RIMS2: variants seen among roughly 807,000 people sequenced by gnomAD.
RIMS2 encodes the protein regulating synaptic membrane exocytosis 2.
Under a neutral mutation model 174.4 loss-of-function variants are expected in RIMS2, and 59 were observed. That is an observed-to-expected ratio of 0.34 (90% CI 0.27 to 0.42). The LOEUF (loss-of-function observed/expected upper bound fraction) is 0.42. Ranked by LOEUF, RIMS2 falls within the 10% of genes least tolerant of loss-of-function variation. The pLI is 1.00. For missense variants in RIMS2, 1,620 were observed against 1,666.3 expected (o/e 0.97, Z 0.48); for synonymous variants, 606 against 572.5 (o/e 1.06, Z -0.84).
At chr8:104,251,923 T>G, downstream of RIMS2, 1 of 713,734 alleles carries the variant, frequency 1.4e-6, no homozygotes, top group Non-Finnish European at 2.4e-6. Context: ...ATGTTGTGTC[T>G]TCTGAGCCTG....
intron 19 of RIMS2, among the ~76,000 whole-genome samples, chr8:104,058,074 G>T (rs1294365969): frequency 6.6e-6 from 1 of 150,428 alleles, no homozygotes; most frequent in Non-Finnish European, 1.5e-5. Flanking sequence ...AGTCCTTTGG[G>T]TATATACCCA....
intron 1 of RIMS2, among the ~76,000 whole-genome samples, chr8:103,677,830 C>T (rs2096834406): frequency 6.6e-6 from 1 of 152,152 alleles, no homozygotes; most frequent in Non-Finnish European, 1.5e-5. Context: ...AAAGAAGTGA[C>T]ATACAAAAAT....
chr8:103,947,637 G>A (rs2084134540), intron 14 of RIMS2, among the ~76,000 whole-genome samples: 1 of 152,172 alleles, frequency 6.6e-6, no homozygotes. Flanking sequence ...CGTGAATAGG[G>A]TACTTATCAT....
At chr8:104,171,592 T>C (rs1487227177) in intron 19 of RIMS2, among the ~76,000 whole-genome samples, 1 of 152,122 alleles carries the variant, frequency 6.6e-6, no homozygotes, top group Non-Finnish European at 1.5e-5. Flanking sequence ...ATTTCTGTTA[T>C]CTCTTTGAGT....
At chr8:104,224,694 A>G (rs2099174573) in intron 19 of RIMS2, among the ~76,000 whole-genome samples, 2 of 152,192 alleles carry the variant, frequency 1.3e-5, no homozygotes, top group Admixed American at 1.3e-4. Context: ...AAAATCAATG[A>G]CCTCTTATTA....
intron 14 of RIMS2, among the ~76,000 whole-genome samples, chr8:103,949,407 G>C (rs926047281): frequency 1.3e-5 from 2 of 152,042 alleles, no homozygotes; most frequent in African/African-American, 4.8e-5. Flanking sequence ...GCCCAAACAA[G>C]TATCGATAAG....
intron 1 of RIMS2, among the ~76,000 whole-genome samples, chr8:103,675,382 T>C (rs1421394035): frequency 6.6e-6 from 1 of 152,188 alleles, no homozygotes; most frequent in East Asian, 1.9e-4. Flanking sequence ...AAGTGATTCC[T>C]GTTCCATGCA....
At chr8:104,070,177 A>T (rs936543848) in intron 19 of RIMS2, among the ~76,000 whole-genome samples, 2 of 152,220 alleles carry the variant, frequency 1.3e-5, no homozygotes, top group African/African-American at 2.4e-5. Flanking sequence ...AGCTTCTTCA[A>T]TAAGACAACA....
intron 19 of RIMS2, among the ~76,000 whole-genome samples, chr8:104,202,653 C>T (rs2099060833): frequency 6.6e-6 from 1 of 152,228 alleles, no homozygotes; most frequent in Non-Finnish European, 1.5e-5. Flanking sequence ...ATGGCCTTTC[C>T]TCTGTTCCAG....
chr8:103,986,468 G>A (rs1035261997), intron 16 of RIMS2, among the ~76,000 whole-genome samples: 2 of 151,932 alleles, frequency 1.3e-5, no homozygotes, highest in African/African-American at 4.8e-5. Context: ...ATTGTACATG[G>A]AAAATGAGAG....
chr8:103,754,235 G>A (rs900424534), intron 2 of RIMS2, among the ~76,000 whole-genome samples: 3 of 152,152 alleles, frequency 2.0e-5, no homozygotes, highest in Admixed American at 6.5e-5. Context: ...GTAGTTGAGC[G>A]GTTTTGAGTG....
chr8:103,575,196 C>T (rs923852985), intron 1 of RIMS2, among the ~76,000 whole-genome samples: 2 of 152,110 alleles, frequency 1.3e-5, no homozygotes, highest in Non-Finnish European at 1.5e-5. Context: ...GGAAAGTGCT[C>T]AACTTCATTA....
At chr8:103,698,922 A>T (rs1052561490) in intron 2 of RIMS2, among the ~76,000 whole-genome samples, 1 of 152,176 alleles carries the variant, frequency 6.6e-6, no homozygotes, top group African/African-American at 2.4e-5. Context: ...CCTCTTCAAC[A>T]TTTTGGAAGA....
chr8:103,955,381 A>G (rs181360733), intron 14 of RIMS2, among the ~76,000 whole-genome samples: 15 of 152,336 alleles, frequency 9.8e-5, no homozygotes, highest in Admixed American at 5.9e-4. Context: ...ATCCAGCAGC[A>G]CATCAAGAAG....
chr8:103,795,688 A>C (rs1463160296), intron 3 of RIMS2, among the ~76,000 whole-genome samples: 6 of 152,110 alleles, frequency 3.9e-5, no homozygotes. Flanking sequence ...AAGATACACA[A>C]TTCTCTGATT....
At chr8:103,785,639 A>T (rs1402554799) in intron 3 of RIMS2, among the ~76,000 whole-genome samples, 1 of 152,066 alleles carries the variant, frequency 6.6e-6, no homozygotes, top group African/African-American at 2.4e-5. Context: ...CATGGTGGAT[A>T]AGCTTTTTGA....
intron 19 of RIMS2, among the ~76,000 whole-genome samples, chr8:104,098,932 A>G (rs2097811313): frequency 6.6e-6 from 1 of 152,218 alleles, no homozygotes. Flanking sequence ...AGGACTCTAA[A>G]ATACCAGCAT....
At chr8:104,213,339 C>A (rs1007848631) in intron 19 of RIMS2, among the ~76,000 whole-genome samples, 1 of 152,150 alleles carries the variant, frequency 6.6e-6, no homozygotes, top group Admixed American at 6.5e-5. Context: ...CCTTCTGTGA[C>A]TTCCCCAAAT....
intron 19 of RIMS2, among the ~76,000 whole-genome samples, chr8:104,218,800 GCTCA>G (rs1385458534): frequency 1.3e-5 from 2 of 152,166 alleles, no homozygotes; most frequent in African/African-American, 4.8e-5. Flanking sequence ...ATGAAGCTTT[GCTCA>G]CTCACCCGCC....
Sources: allele counts gnomAD v4.1 joint callset (sites outside exome capture counted in the v4.1 genomes callset), GRCh38; gene constraint gnomAD v4.1.1; transcripts MANE v1.5; gene names NCBI Gene and HGNC (gene_info 2026-07-23, HGNC 2026-07-21).